FPGS: variants seen among roughly 807,000 people sequenced by gnomAD.
FPGS encodes the protein folylpolyglutamate synthase, mitochondrial.
A neutral mutation model predicts 66.5 loss-of-function variants in FPGS; 53 were observed. The observed-to-expected ratio is 0.80, with a 90% CI of 0.64 to 1.00. FPGS has a LOEUF of 1.00. Ranked by LOEUF, FPGS falls within the 50% of genes least tolerant of loss-of-function variation. The pLI, the probability that FPGS is intolerant of heterozygous loss-of-function variation, is 0.00. For missense variants in FPGS, 702 were observed against 807.7 expected (o/e 0.87, Z 1.59); for synonymous variants, 348 against 350.9 (o/e 0.99, Z 0.09).
chr9:127,804,786 C>T (rs1829745505), intron 4 of FPGS, 86 bp downstream of exon 4: 1 of 1,344,624 alleles, frequency 7.4e-7, no homozygotes, highest in South Asian at 1.2e-5. Flanking sequence ...GGACCAGGGT[C>T]ACCCCCAGGA....
intron 11 of FPGS, 46 bp from the exon 12 acceptor site, chr9:127,809,638 G>C (rs774078149): frequency 2.0e-6 from 3 of 1,535,644 alleles, no homozygotes; most frequent in Non-Finnish European, 2.6e-6. Flanking sequence ...AATTGAGGAC[G>C]GGGGTGGGAG....
At chr9:127,803,167 C>T (rs1373821648) in intron 1 of FPGS, 105 bp downstream of exon 1, 3 of 1,258,510 alleles carry the variant, frequency 2.4e-6, no homozygotes, top group East Asian at 6.4e-5. Context: ...GTATCGGGAG[C>T]CCTGGACTGG....
At chr9:127,803,550 C>A in intron 1 of FPGS, 1 of 424,262 alleles carries the variant, frequency 2.4e-6, no homozygotes, top group Non-Finnish European at 3.2e-6. Context: ...GGCCCCAGAA[C>A]CTGGAAAATA....
In FPGS at chr9:127,803,026, G is replaced by A; in HGVS notation, c.102G>A (p.Ala34=). ...TQVAARRGLS[A]WPVPQEPSME... is the part of the protein sequence containing the mutation. Reference sequence around the variant, plus strand: ...TCGCGGCGCGGCGGGGCTTGAGCGCGTGGCCGGTGCCGCAGGAGCCGAGCA... The same window carrying A: ...TCGCGGCGCGGCGGGGCTTGAGCGCATGGCCGGTGCCGCAGGAGCCGAGCA... The change falls in exon 1 of 15, where the codon GCG becomes GCA. Residue 34 remains alanine, a synonymous_variant. Transcript: ENST00000373247. 1 of 1,457,406 alleles carries A rather than the reference G, an allele frequency of 6.9e-7. No individual in the cohort carries two copies. 90.3% of individuals were successfully genotyped at this position (1,457,406 alleles called of 1,614,324 possible). A position where few individuals can be genotyped will look rare whatever the true frequency, so the allele number is the denominator to read the frequency against.
Position 127,803,011 on chromosome 9 carries a change from G to C in FPGS, c.87G>C (p.Arg29=). Reference sequence around the variant, plus strand: ...GCATAACGACCCAGGTCGCGGCGCGGCGGGGCTTGAGCGCGTGGCCGGTGC... The same window carrying C: ...GCATAACGACCCAGGTCGCGGCGCGCCGGGGCTTGAGCGCGTGGCCGGTGC... ...ARGITTQVAA[R]RGLSAWPVPQ... Residue 29 remains arginine (R), a synonymous_variant, in exon 1 of 15, where the codon CGG becomes CGC. Coordinates refer to ENST00000373247, the MANE Select transcript of FPGS (RefSeq NM_004957.6). 1 of 1,466,626 alleles carries C rather than the reference G, an allele frequency of 6.8e-7. No individual in the cohort carries two copies. Among genetic ancestry groups the C allele is most frequent in the African/African-American group, 1.5e-5 (1 of 67,550 alleles). The allele number at this position is 1,466,626 out of a possible 1,614,324, so 90.9% of individuals were successfully genotyped here. A position where few individuals can be genotyped will look rare whatever the true frequency, so the allele number is the denominator to read the frequency against.
chr9:127,808,770 C>T (rs774838536), intron 10 of FPGS, 30 bp from the exon 11 acceptor site: 52 of 1,555,172 alleles, frequency 3.3e-5, no homozygotes, highest in African/African-American at 5.4e-5. Flanking sequence ...AGGAGGGTCC[C>T]GGACACACTT....
chr9:127,803,322 T>C, intron 1 of FPGS: 1 of 1,200,360 alleles, frequency 8.3e-7, no homozygotes, highest in East Asian at 3.6e-5. Flanking sequence ...GGAGCTAGGA[T>C]CCAGAAGCCC....
downstream of FPGS, chr9:127,814,188 T>A: frequency 3.1e-6 from 3 of 983,244 alleles, no homozygotes; most frequent in Non-Finnish European, 3.6e-6. Context: ...AACAAGTCCC[T>A]CCCTCCCTGT....
In FPGS at chr9:127,804,579, G is replaced by A. The variant is rs372834282; in HGVS notation, c.321+27G>A. 3.4e-5 allele frequency: 55 copies of A among 1,614,120 alleles called. 1 individual carries two copies. The East Asian group carries it at 4.0e-4, about 12-fold the overall frequency. ...TGAGGGGCAGGACCCTGGGGTAGGGGGTCTATTAAGTGGCTGGTGGAGTAG... is the reference window on the plus strand; with the variant it reads ...TGAGGGGCAGGACCCTGGGGTAGGGAGTCTATTAAGTGGCTGGTGGAGTAG... On this transcript the variant is annotated intron_variant, in intron 3 of 14. Transcript: ENST00000373247.
In FPGS at chr9:127,804,368, A is replaced by G. The variant is rs1268699340; in HGVS notation, c.222A>G (p.Thr74=). The change falls in exon 2 of 15, where the codon ACA becomes ACG. Residue 74 remains threonine (T), a synonymous_variant. Coordinates refer to ENST00000373247, the MANE Select transcript of FPGS (RefSeq NM_004957.6). ...AGCGCCAGCGGGGTGACCCTCAGAC[A>G]CAGTTGGAAGCCATGGAACTGTACC... The part of the protein sequence containing the change: ...QVKRQRGDPQ[T]QLEAMELYLA... 5 of 1,614,166 alleles carry G rather than the reference A, an allele frequency of 3.1e-6. No individual in the cohort carries two copies. The highest frequency in any genetic ancestry group is 4.2e-6 in the Non-Finnish European group (5 of 1,180,022).
chr9:127,803,148 G>A (rs1829671569), intron 1 of FPGS, 86 bp downstream of exon 1: 1 of 1,263,842 alleles, frequency 7.9e-7, no homozygotes, highest in Non-Finnish European at 1.0e-6. Context: ...GGCTCCGCTA[G>A]CCGAGAGGGT....
chr9:127,812,802 C>G (rs972209003), intron 14 of FPGS, among the ~76,000 whole-genome samples: 1 of 152,174 alleles, frequency 6.6e-6, no homozygotes, highest in Admixed American at 6.6e-5. Flanking sequence ...GCTGGGATTA[C>G]AAGTGTGAGC....
At chr9:127,805,992 G>A (rs1278768028) in intron 4 of FPGS, among the ~76,000 whole-genome samples, 1 of 152,240 alleles carries the variant, frequency 6.6e-6, no homozygotes, top group Non-Finnish European at 1.5e-5. Flanking sequence ...AACAGTTCTT[G>A]TTCAAATAAA....
At chr9:127,808,042 G>A (rs1413162724) in intron 8 of FPGS, 192 bp from the exon 9 acceptor site, 7 of 589,656 alleles carry the variant, frequency 1.2e-5, no homozygotes, top group African/African-American at 1.9e-5. Context: ...GGAGGCAGAC[G>A]TTGCAGTGAG....
Position 127,813,832 on chromosome 9 carries a change from A to T in FPGS, c.*228A>T. ...AGCAGAGGGGCTCCCCGGGTCTCTC[A>T]CTGTTGCAGTGGCCTGGCCGTTCAG... On this transcript the variant is annotated 3_prime_UTR_variant, in exon 15 of 15. Transcript: ENST00000373247. 8.0e-7 allele frequency: 1 copy of T among 1,254,976 alleles called. No individual in the cohort carries two copies. Among genetic ancestry groups the T allele is most frequent in the East Asian group, 3.2e-5 (1 of 31,334 alleles). 77.7% of individuals were successfully genotyped at this position (1,254,976 alleles called of 1,614,324 possible). A position where few individuals can be genotyped will look rare whatever the true frequency, so the allele number is the denominator to read the frequency against.
chr9:127,809,663 T>C, intron 11 of FPGS, 21 bp from the exon 12 acceptor site: 1 of 1,575,382 alleles, frequency 6.3e-7, no homozygotes, highest in South Asian at 1.1e-5. Flanking sequence ...CCTGGAGGAC[T>C]GCCTTGCTGC....
In FPGS at chr9:127,808,904, C is replaced by G; in HGVS notation, c.1060+15C>G. The G allele has an allele frequency of 6.5e-7, 1 of 1,546,354 alleles. No homozygotes were observed. Among genetic ancestry groups the G allele is most frequent in the Non-Finnish European group, 8.8e-7 (1 of 1,141,978 alleles). ...CATGCGGCTCGGTGAGTTAGACCTT[C>G]CTGCCCAGCTGGGACCACTGCGTGT... On this transcript the variant is annotated intron_variant, in intron 11 of 14. Coordinates refer to ENST00000373247, the MANE Select transcript of FPGS (RefSeq NM_004957.6).
intron 11 of FPGS, 38 bp from the exon 12 acceptor site, chr9:127,809,646 G>A: frequency 6.4e-7 from 1 of 1,553,160 alleles, no homozygotes; most frequent in South Asian, 1.2e-5. Context: ...ACGGGGGTGG[G>A]AGAGGGCCTG....
Position 127,808,569 on chromosome 9 carries a change from C to A in FPGS, c.834C>A (p.Tyr278Ter). 6.2e-7 allele frequency: 1 copy of A among 1,612,752 alleles called. No individual in the cohort carries two copies. Among genetic ancestry groups the A allele is most frequent in the Non-Finnish European group, 8.5e-7 (1 of 1,179,902 alleles). The change falls in exon 10 of 15, where the codon TAC (tyrosine) becomes TAA (stop). Residue 278 changes from tyrosine to a stop codon, truncating the protein, a stop_gained. Coordinates refer to ENST00000373247, the MANE Select transcript of FPGS (RefSeq NM_004957.6). LOFTEE classifies it high-confidence loss of function. The stretch of plus-strand genomic sequence containing the variant: ...CCTGTCTCCCCTAGTGTCCTCTATA[C>A]CTGTGTCCGATGCTGGAGGCCCTCG... ...DRAQQISCPL[Y>*]LCPMLEALEE...
Sources: allele counts gnomAD v4.1 joint callset (sites outside exome capture counted in the v4.1 genomes callset), GRCh38; gene constraint gnomAD v4.1.1; transcripts MANE v1.5; gene names NCBI Gene and HGNC (gene_info 2026-07-23, HGNC 2026-07-21).